RGS7: variants seen among roughly 807,000 people sequenced by gnomAD.
The protein encoded by RGS7 is regulator of G protein signaling 7, also known as regulator of G-protein signaling 7.
RGS7 carries 27 observed loss-of-function variants against 81.1 expected under a neutral mutation model. That is an observed-to-expected ratio of 0.33 (90% CI 0.25 to 0.46). The LOEUF (loss-of-function observed/expected upper bound fraction) is 0.46. Among genes scored for constraint, RGS7 ranks in the 20% least tolerant of loss-of-function variants. The pLI is 1.00. For missense variants in RGS7, 396 were observed against 607.4 expected, an observed-to-expected ratio of 0.65 and a Z score of 3.66; for synonymous variants, 208 against 207.7, an observed-to-expected ratio of 1.00 and a Z score of -0.01.
intron 2 of RGS7, among the ~76,000 whole-genome samples, chr1:241,257,274 A>G (rs973772280): frequency 6.6e-6 from 1 of 152,124 alleles, no homozygotes; most frequent in Non-Finnish European, 1.5e-5. Flanking sequence ...ATTCTCTGAC[A>G]GAGTCCCCCA....
intron 2 of RGS7, among the ~76,000 whole-genome samples, chr1:241,279,401 T>G (rs577109257): frequency 6.6e-6 from 1 of 152,336 alleles, no homozygotes; most frequent in South Asian, 2.1e-4. Flanking sequence ...TGAAATTGTA[T>G]GACAAAAATA....
chr1:241,116,551 T>C (rs1302398902), intron 2 of RGS7, among the ~76,000 whole-genome samples: 4 of 152,136 alleles, frequency 2.6e-5, no homozygotes, highest in Non-Finnish European at 5.9e-5. Flanking sequence ...ACTTCTTTAT[T>C]TCCTATAAGA....
Position 241,304,866 on chromosome 1 carries a change from T to C in RGS7, c.78+50833A>G, listed in dbSNP as rs141971418. On this transcript the variant is annotated intron_variant, in intron 2 of 18. Coordinates refer to ENST00000440928, the MANE Select transcript of RGS7 (RefSeq NM_001364886.1). ...TAAAGACCTACTTAACACATTTTCA[T>C]CAGCACTCTATTATTGCCTATATTT... Among the ~76,000 whole-genome samples, 363 of 152,362 alleles carry C rather than the reference T, an allele frequency of 2.4e-3. 2 individuals are homozygous for C. The highest frequency in any genetic ancestry group is 7.9e-3 in the African/African-American group (330 of 41,594).
chr1:240,943,044 C>T (rs140318491), intron 4 of RGS7, among the ~76,000 whole-genome samples: 272 of 152,124 alleles, frequency 1.8e-3, no homozygotes, highest in African/African-American at 6.3e-3. Context: ...AATCAAGTGC[C>T]GCTTTCTCAA....
intron 2 of RGS7, among the ~76,000 whole-genome samples, chr1:241,263,202 G>A (rs556949634): frequency 4.6e-5 from 7 of 151,366 alleles, no homozygotes; most frequent in African/African-American, 1.7e-4. Context: ...GCTTGAAACC[G>A]GAAGGTAGAG....
rs1348383143 is a variant in RGS7 at position 240,997,494 on chromosome 1, T to C, written c.176-14365A>G. Among the ~76,000 whole-genome samples, 7 of 152,282 alleles carry C rather than the reference T, an allele frequency of 4.6e-5. 1 individual carries two copies. The highest frequency in any genetic ancestry group is 1.3e-4 in the Admixed American group (2 of 15,290). ...TGTACATTTAGAATCATATCAGACG[T>C]TGTTACATTTTTTTCTTCAACAATC... On this transcript the variant is annotated intron_variant, in intron 3 of 18. Coordinates refer to ENST00000440928, the MANE Select transcript of RGS7 (RefSeq NM_001364886.1).
chr1:241,347,623 T>C (rs756801737), intron 2 of RGS7, among the ~76,000 whole-genome samples: 1 of 152,164 alleles, frequency 6.6e-6, no homozygotes, highest in Non-Finnish European at 1.5e-5. Context: ...GAAATAGAGA[T>C]GAATTGAAAT....
At chr1:241,027,035 T>TA (rs1192855202) in intron 3 of RGS7, among the ~76,000 whole-genome samples, 1 of 123,772 alleles carries the variant, frequency 8.1e-6, no homozygotes, top group Non-Finnish European at 1.8e-5. Flanking sequence ...CTACCAGAAA[T>TA]TAAAAAAAAA....
chr1:241,259,667 A>AAAAAAAAAATATATATAT, intron 2 of RGS7, among the ~76,000 whole-genome samples: 1 of 49,144 alleles, frequency 2.0e-5, no homozygotes, highest in African/African-American at 7.9e-5. Context: ...AAAAAAAAAA[A>AAAAAAAAAATATATATAT]ATATATATAT....
At chr1:241,353,046 T>C (rs1428630730) in intron 2 of RGS7, among the ~76,000 whole-genome samples, 1 of 152,212 alleles carries the variant, frequency 6.6e-6, no homozygotes, top group Non-Finnish European at 1.5e-5. Context: ...AATAGTGAAG[T>C]AGAAGGGGAA....
chr1:241,006,593 T>C (rs1353677648), intron 3 of RGS7, among the ~76,000 whole-genome samples: 2 of 152,192 alleles, frequency 1.3e-5, no homozygotes, highest in African/African-American at 4.8e-5. Context: ...CTGATTTAGT[T>C]TGGAAGCTCA....
At chr1:240,987,532 T>C (rs79370092) in intron 3 of RGS7, among the ~76,000 whole-genome samples, 3,446 of 151,196 alleles carry the variant, frequency 0.023, 129 homozygotes, top group African/African-American at 0.078. Flanking sequence ...TATTCTTCTT[T>C]TTTTTTTTTT....
chr1:241,327,036 A>AAGGAAGGAAGGG (rs1416114110), intron 2 of RGS7, among the ~76,000 whole-genome samples: 1 of 6,216 alleles, frequency 1.6e-4, no homozygotes, highest in African/African-American at 5.0e-4. Context: ...GGAAGGAAGG[A>AAGGAAGGAAGGG]AGGGAGGGAG....
intron 3 of RGS7, among the ~76,000 whole-genome samples, chr1:241,013,068 T>C (rs566409773): frequency 2.0e-5 from 3 of 146,458 alleles, no homozygotes; most frequent in South Asian, 2.3e-4. Context: ...TTTTTTTTTT[T>C]TTTTTTTTTT....
intron 18 of RGS7, among the ~76,000 whole-genome samples, chr1:240,776,547 C>CA (rs906113976): frequency 1.4e-4 from 21 of 152,300 alleles, no homozygotes; most frequent in South Asian, 4.1e-4. Flanking sequence ...AGCAATGAAG[C>CA]AACACCTAGG....
At chr1:240,862,170 G>A (rs1662331320) in intron 9 of RGS7, among the ~76,000 whole-genome samples, 1 of 151,970 alleles carries the variant, frequency 6.6e-6, no homozygotes, top group African/African-American at 2.4e-5. Flanking sequence ...TGGAGTAAAT[G>A]TTGACATACT....
intron 6 of RGS7, among the ~76,000 whole-genome samples, chr1:240,922,275 G>A (rs1673686789): frequency 6.6e-6 from 1 of 151,876 alleles, no homozygotes; most frequent in Non-Finnish European, 1.5e-5. Context: ...AAAACCTTTA[G>A]AATATAACAT....
chr1:241,033,093 C>T (rs902551357), intron 3 of RGS7, among the ~76,000 whole-genome samples: 4 of 152,318 alleles, frequency 2.6e-5, no homozygotes, highest in Non-Finnish European at 4.4e-5. Flanking sequence ...CGGTAGCTCA[C>T]GCCTGCAACC....
chr1:241,070,968 G>A (rs999401000), intron 3 of RGS7, among the ~76,000 whole-genome samples: 3 of 152,138 alleles, frequency 2.0e-5, no homozygotes, highest in South Asian at 2.1e-4. Flanking sequence ...AACAGAATAA[G>A]AAGAACTAGA....
Sources: allele counts gnomAD v4.1 joint callset (sites outside exome capture counted in the v4.1 genomes callset), GRCh38; gene constraint gnomAD v4.1.1; transcripts MANE v1.5; gene names NCBI Gene and HGNC (gene_info 2026-07-23, HGNC 2026-07-21).